ADAMTS17: variants seen among roughly 807,000 people sequenced by gnomAD.
ADAMTS17 encodes ADAM metallopeptidase with thrombospondin type 1 motif 17, also known as A disintegrin and metalloproteinase with thrombospondin motifs 17.
ADAMTS17 carries 113 observed loss-of-function variants against 141.5 expected under a neutral mutation model. The observed-to-expected ratio is 0.80, with a 90% confidence interval of 0.69 to 0.93. The LOEUF (loss-of-function observed/expected upper bound fraction) is 0.93, where lower values mean the gene tolerates loss of function less well. Ranked by LOEUF, ADAMTS17 falls within the 40% of genes least tolerant of loss-of-function variation. The probability of loss-of-function intolerance (pLI) is 0.00; values close to 1 mark genes in which losing one functional copy is unlikely to be tolerated. For missense variants in ADAMTS17, 1,659 were observed against 1,517.9 expected (o/e 1.09, Z -1.54); for synonymous variants, 768 against 630.6 (o/e 1.22, Z -3.27).
At chr15:100,046,161 G>A (rs1275670484) in intron 18 of ADAMTS17, among the ~76,000 whole-genome samples, 1 of 152,200 alleles carries the variant, frequency 6.6e-6, no homozygotes, top group Non-Finnish European at 1.5e-5. Flanking sequence ...GATTACAGGT[G>A]TGTGCCCCCT....
intron 3 of ADAMTS17, among the ~76,000 whole-genome samples, chr15:100,293,099 A>G (rs2044698938): frequency 6.6e-6 from 1 of 152,236 alleles, no homozygotes; most frequent in South Asian, 2.1e-4. Flanking sequence ...GGAATTCCAG[A>G]AAGTGTTCAA....
chr15:100,133,645 C>T (rs1420504718), intron 10 of ADAMTS17, among the ~76,000 whole-genome samples: 1 of 152,078 alleles, frequency 6.6e-6, no homozygotes, highest in Non-Finnish European at 1.5e-5. Flanking sequence ...GAGTGATGAG[C>T]AAACAGACAT....
At chr15:100,302,277 T>C (rs2045066905) in intron 3 of ADAMTS17, among the ~76,000 whole-genome samples, 2 of 152,252 alleles carry the variant, frequency 1.3e-5, no homozygotes, top group Non-Finnish European at 2.9e-5. Context: ...AAAATTCTAT[T>C]GTATGACTAT....
intron 18 of ADAMTS17, among the ~76,000 whole-genome samples, chr15:100,022,197 C>A (rs747498407): frequency 6.6e-6 from 1 of 152,170 alleles, no homozygotes; most frequent in Non-Finnish European, 1.5e-5. Context: ...TCTGTTATCA[C>A]CCAGTGTCCC....
At chr15:100,119,369 G>A (rs1234278934) in intron 12 of ADAMTS17, among the ~76,000 whole-genome samples, 1 of 152,202 alleles carries the variant, frequency 6.6e-6, no homozygotes, top group Non-Finnish European at 1.5e-5. Context: ...ATGAAGTCAT[G>A]AGGAACAAAA....
chr15:100,187,771 A>G (rs1298439337), intron 8 of ADAMTS17, among the ~76,000 whole-genome samples: 1 of 152,180 alleles, frequency 6.6e-6, no homozygotes, highest in Non-Finnish European at 1.5e-5. Flanking sequence ...GAGGGTGGGA[A>G]GAAGACACCC....
intron 7 of ADAMTS17, among the ~76,000 whole-genome samples, chr15:100,228,479 G>C (rs1041555448): frequency 6.6e-6 from 1 of 152,130 alleles, no homozygotes. Flanking sequence ...ATTCATTATT[G>C]ATCAATTAGT....
intron 7 of ADAMTS17, among the ~76,000 whole-genome samples, chr15:100,231,320 G>A (rs1405659799): frequency 6.6e-6 from 1 of 152,104 alleles, no homozygotes; most frequent in Non-Finnish European, 1.5e-5. Context: ...AATTCCTCTT[G>A]GCAATGACCC....
rs183961862 is a variant in ADAMTS17, at chr15:100,234,766, G to A, written c.1075+19370C>T. On this transcript the variant is annotated intron_variant, in intron 7 of 21. Transcript: ENST00000268070. Reference sequence around the variant, plus strand: ...CCACTCCTCTGACTGCTGCCTCTCCGGGAAACCTTCCATTCCATCAGCAGC... The same window carrying A: ...CCACTCCTCTGACTGCTGCCTCTCCAGGAAACCTTCCATTCCATCAGCAGC... 2.0e-4 allele frequency among the ~76,000 whole-genome samples: 31 copies of A among 152,238 alleles called. No homozygotes were observed. The East Asian group carries it at 3.7e-3, about 18-fold the overall frequency.
chr15:100,258,283 G>A (rs934631556), intron 6 of ADAMTS17, among the ~76,000 whole-genome samples: 1 of 152,098 alleles, frequency 6.6e-6, no homozygotes, highest in Non-Finnish European at 1.5e-5. Flanking sequence ...AGTTTTTGAG[G>A]TACCATCATC....
chr15:99,987,959 TAC>T (rs1285628841), intron 20 of ADAMTS17, among the ~76,000 whole-genome samples: 5 of 151,860 alleles, frequency 3.3e-5, no homozygotes, highest in Admixed American at 3.3e-4. Flanking sequence ...TGGTACACCA[TAC>T]ACACACATGG....
At chr15:100,101,111 AC>A (rs1317445962) in intron 14 of ADAMTS17, among the ~76,000 whole-genome samples, 4 of 151,986 alleles carry the variant, frequency 2.6e-5, no homozygotes, top group Admixed American at 6.6e-5. Flanking sequence ...GCTGGAATGC[AC>A]CCATCTCCCT....
At chr15:100,056,753 G>A (rs1256055603) in intron 15 of ADAMTS17, among the ~76,000 whole-genome samples, 2 of 152,034 alleles carry the variant, frequency 1.3e-5, no homozygotes, top group African/African-American at 4.8e-5. Context: ...AGCATAAGTT[G>A]GGGGAACAGC....
chr15:99,992,963 T>G (rs1017703324), intron 20 of ADAMTS17, 85 bp downstream of exon 20: 14 of 1,564,204 alleles, frequency 9.0e-6, no homozygotes, highest in African/African-American at 1.4e-5. Context: ...CGCGTAGAAT[T>G]GGGACCCGTC....
At chr15:100,336,830 C>T (rs1391203454) in intron 2 of ADAMTS17, among the ~76,000 whole-genome samples, 1 of 152,180 alleles carries the variant, frequency 6.6e-6, no homozygotes, top group Non-Finnish European at 1.5e-5. Context: ...TCACAGGAGT[C>T]GTACACGTGC....
chr15:100,247,832 TC>T (rs2043033639), intron 7 of ADAMTS17, among the ~76,000 whole-genome samples: 1 of 152,010 alleles, frequency 6.6e-6, no homozygotes, highest in Admixed American at 6.6e-5. Flanking sequence ...GACACAGATT[TC>T]CAAAACCGAT....
intron 18 of ADAMTS17, among the ~76,000 whole-genome samples, chr15:100,020,053 G>A (rs1375217454): frequency 6.6e-6 from 1 of 152,018 alleles, no homozygotes; most frequent in Non-Finnish European, 1.5e-5. Flanking sequence ...CAGGACAGCA[G>A]CCGGAATCGT....
chr15:100,048,527 C>T (rs533390753), intron 18 of ADAMTS17, among the ~76,000 whole-genome samples: 1 of 151,524 alleles, frequency 6.6e-6, no homozygotes, highest in South Asian at 2.1e-4. Flanking sequence ...ATATTTGTTT[C>T]CTTCTCCACC....
intron 18 of ADAMTS17, among the ~76,000 whole-genome samples, chr15:100,047,684 C>T (rs1053048887): frequency 6.6e-6 from 1 of 152,128 alleles, no homozygotes; most frequent in Non-Finnish European, 1.5e-5. Context: ...TCGTCTCTTA[C>T]CCTATTTTCT....
Sources: allele counts gnomAD v4.1 joint callset (sites outside exome capture counted in the v4.1 genomes callset), GRCh38; gene constraint gnomAD v4.1.1; transcripts MANE v1.5; gene names NCBI Gene and HGNC (gene_info 2026-07-23, HGNC 2026-07-21).